The following JAK1 variants were observed in gnomAD, a reference collection of about 807,000 sequenced individuals.
JAK1 encodes the protein tyrosine-protein kinase JAK1.
A neutral mutation model predicts 136.6 loss-of-function variants in JAK1; 16 were observed. That is an observed-to-expected ratio of 0.12 (90% CI 0.08 to 0.18). The LOEUF is 0.18. Among genes scored for constraint, JAK1 ranks in the 10% least tolerant of loss-of-function variants. The pLI, the probability that JAK1 is intolerant of heterozygous loss-of-function variation, is 1.00. For missense variants in JAK1, 859 were observed against 1,450.1 expected (o/e 0.59, Z 6.62); for synonymous variants, 492 against 519.5 (o/e 0.95, Z 0.72).
At chr1:64,970,870 T>C (rs1222571535), upstream of JAK1, among the ~76,000 whole-genome samples, 1 of 152,000 alleles carries the variant, frequency 6.6e-6, no homozygotes, top group Non-Finnish European at 1.5e-5. Flanking sequence ...ATCCATGACA[T>C]ACATCTAAAT....
At chr1:64,839,009 G>A (rs1053128112) in intron 20 of JAK1, among the ~76,000 whole-genome samples, 32 of 151,070 alleles carry the variant, frequency 2.1e-4, no homozygotes, top group South Asian at 2.1e-4. Context: ...AGCCGGGCGT[G>A]ATGGCGGGCG....
rs962905354 is a variant in JAK1 at position 64,883,390 on chromosome 1, G to T, written c.92C>A (p.Ala31Asp). ...SSKKTEVNLE[A>D]PEPGVEVIFY... Reference sequence around the variant, plus strand: ...GATCACTTCCACCCCTGGCTCAGGGGCCTCCAGGTTCACCTCAGTCTTCTT... The same window carrying T: ...GATCACTTCCACCCCTGGCTCAGGGTCCTCCAGGTTCACCTCAGTCTTCTT... The change falls in exon 3 of 25, where the codon GCC (alanine) becomes GAC (aspartate). Residue 31 changes from alanine to aspartate, a missense_variant. Around this residue, in one of 4 missense-constraint regions of JAK1, gnomAD observed 353 missense variants for 494.0 expected, o/e 0.71. Transcript: ENST00000342505. 2 of 1,614,070 alleles carry T rather than the reference G, an allele frequency of 1.2e-6. No homozygotes were observed. The highest frequency in any genetic ancestry group is 2.7e-5 in the African/African-American group (2 of 75,044).
chr1:64,878,300 G>C (rs901787552), intron 4 of JAK1, among the ~76,000 whole-genome samples: 3 of 152,104 alleles, frequency 2.0e-5, no homozygotes. Flanking sequence ...GGAGACTGCA[G>C]CTATTGAAGT....
At chr1:64,976,846 G>T (rs1430059450) in intron 2 of JAK1, among the ~76,000 whole-genome samples, 1 of 152,088 alleles carries the variant, frequency 6.6e-6, no homozygotes, top group Non-Finnish European at 1.5e-5. Flanking sequence ...ACCTTTTCCA[G>T]GCTTCTAAGA....
upstream of JAK1, among the ~76,000 whole-genome samples, chr1:64,970,275 A>G (rs914702298): frequency 6.6e-6 from 1 of 151,098 alleles, no homozygotes; most frequent in Non-Finnish European, 1.5e-5. Context: ...CCCCGTCTCT[A>G]CTAAAAATAC....
At chr1:65,042,059 A>AAAACC (rs994534103) in intron 2 of JAK1, among the ~76,000 whole-genome samples, 2 of 152,122 alleles carry the variant, frequency 1.3e-5, no homozygotes, top group Admixed American at 6.6e-5. Flanking sequence ...AAAACAAAAC[A>AAAACC]AAACAAAAAA....
At chr1:65,006,148 G>A (rs1026198274) in intron 2 of JAK1, among the ~76,000 whole-genome samples, 2 of 152,174 alleles carry the variant, frequency 1.3e-5, no homozygotes, top group African/African-American at 4.8e-5. Flanking sequence ...TTATAATGGA[G>A]AGTTGAGTTT....
At chr1:64,991,465 A>G (rs1447865736) in intron 2 of JAK1, 1 of 152,214 alleles carries the variant, frequency 6.6e-6, no homozygotes, top group Non-Finnish European at 1.5e-5. Context: ...AACCAATCAT[A>G]TTGGATTAAG....
At chr1:64,932,838 G>A (rs1434537803) in intron 1 of JAK1, among the ~76,000 whole-genome samples, 1 of 152,010 alleles carries the variant, frequency 6.6e-6, no homozygotes, top group African/African-American at 2.4e-5. Flanking sequence ...GTTCCCCACT[G>A]ACATCTGACT....
chr1:64,915,362 C>G (rs1236402381), intron 1 of JAK1, among the ~76,000 whole-genome samples: 1 of 152,094 alleles, frequency 6.6e-6, no homozygotes, highest in East Asian at 1.9e-4. Flanking sequence ...CTTCGATAAT[C>G]CACAAATACT....
chr1:64,850,754 C>T (rs1295897627), intron 12 of JAK1, 50 bp downstream of exon 12: 5 of 1,242,840 alleles, frequency 4.0e-6, no homozygotes, highest in South Asian at 1.2e-5. Flanking sequence ...GCTGCTCCAT[C>T]GTGGGGAGGC....
chr1:64,957,421 C>G (rs1411666633), intron 1 of JAK1, among the ~76,000 whole-genome samples: 1 of 152,228 alleles, frequency 6.6e-6, no homozygotes, highest in Non-Finnish European at 1.5e-5. Flanking sequence ...GGTGTTGGTC[C>G]CACCATAGGT....
intron 1 of JAK1, among the ~76,000 whole-genome samples, chr1:64,897,535 GGA>G (rs1557673778): frequency 1.0e-3 from 4 of 3,958 alleles, no homozygotes; most frequent in South Asian, 0.011. Context: ...GGAGGGAGGA[GGA>G]GGAGGAGGAG....
chr1:65,036,934 C>T (rs2100826239), intron 2 of JAK1, among the ~76,000 whole-genome samples: 1 of 152,288 alleles, frequency 6.6e-6, no homozygotes, highest in South Asian at 2.1e-4. Flanking sequence ...TGCCTATAAT[C>T]CCAACATTTT....
At chr1:64,918,326 G>A (rs763456723) in intron 1 of JAK1, 2 of 152,064 alleles carry the variant, frequency 1.3e-5, no homozygotes, top group African/African-American at 4.8e-5. Flanking sequence ...TATATTTAGA[G>A]ACCCTAAGTA....
Position 64,985,424 on chromosome 1 carries a change from C to A in JAK1, c.-78+59056G>T, listed in dbSNP as rs1015625988. On this transcript the variant is annotated intron_variant, in intron 2 of 25. Transcript: ENST00000671954. ...GGGTGCCCCACAACCACTGGAGGAT[C>A]TCCTTAGCATTCTCCTCTTCTTTTC... 33 of 1,608,772 alleles carry A rather than the reference C, an allele frequency of 2.1e-5. 1 individual carries two copies. The East Asian group carries it at 6.9e-4, about 34-fold the overall frequency.
chr1:64,865,916 C>A (rs1369433564), intron 7 of JAK1, among the ~76,000 whole-genome samples: 1 of 152,086 alleles, frequency 6.6e-6, no homozygotes, highest in Non-Finnish European at 1.5e-5. Flanking sequence ...CGTGCCACCA[C>A]ATCCTGCTAA....
rs781717039 is a variant in JAK1, at chr1:64,879,146, T to C, written c.208A>G (p.Ile70Val). 4 of 1,613,892 alleles carry C rather than the reference T, an allele frequency of 2.5e-6. No homozygotes were observed. Among genetic ancestry groups the C allele is most frequent in the Admixed American group, 3.3e-5 (2 of 59,976 alleles). ...AAGAGGTTGTGACAAAGAGGAGAGATACCTGAGGAAAAGTAAAAAAACACA... is the reference window on the plus strand; with the variant it reads ...AAGAGGTTGTGACAAAGAGGAGAGACACCTGAGGAAAAGTAAAAAAACACA... The part of the protein sequence containing the change: ...LCIRAAQACR[I>V]SPLCHNLFAL... The change falls in exon 4 of 25, where the codon ATC becomes GTC. Residue 70 changes from isoleucine to valine, a missense_variant and splice_region_variant. Around this residue, in one of 4 missense-constraint regions of JAK1, gnomAD observed 353 missense variants for 494.0 expected, o/e 0.71. Transcript: ENST00000342505.
chr1:64,834,678 C>A, intron 24 of JAK1, 21 bp from the exon 25 acceptor site: 2 of 1,468,476 alleles, frequency 1.4e-6, no homozygotes, highest in Non-Finnish European at 9.5e-7. Flanking sequence ...AAAGAAGTAA[C>A]AACAGTAAAA....
Sources: allele counts gnomAD v4.1 joint callset (sites outside exome capture counted in the v4.1 genomes callset), GRCh38; gene constraint gnomAD v4.1.1; regional missense constraint gnomAD v4.1.1; transcripts MANE v1.5; gene names NCBI Gene and HGNC (gene_info 2026-07-23, HGNC 2026-07-21).